KLHL3: variants seen among roughly 807,000 people sequenced by gnomAD.
KLHL3 encodes the protein kelch like family member 3.
In KLHL3, 19 loss-of-function variants were observed where a neutral mutation model predicts 70.5. The ratio of observed to expected loss-of-function variants is 0.27; its 90% CI spans 0.19 to 0.40. The LOEUF (loss-of-function observed/expected upper bound fraction) is 0.40. Among genes scored for constraint, KLHL3 ranks in the 10% least tolerant of loss-of-function variants. The pLI is 1.00. For missense variants in KLHL3, 512 were observed against 771.1 expected, an observed-to-expected ratio of 0.66 and a Z score of 3.98; for synonymous variants, 258 against 290.3, an observed-to-expected ratio of 0.89 and a Z score of 1.13.
chr5:137,635,573 T>C lies in KLHL3; in HGVS notation c.1322-1408A>G, dbSNP rs1273995799. Among the ~76,000 whole-genome samples the C allele has an allele frequency of 4.6e-5, 7 of 152,174 alleles. No homozygotes were observed. The South Asian group carries it at 1.5e-3, about 32-fold the overall frequency. On this transcript the variant is annotated intron_variant, in intron 11 of 14. Coordinates refer to ENST00000309755, the MANE Select transcript of KLHL3 (RefSeq NM_017415.3). ...TGTCATTCAAACTGTATAGCCATGGTAATGAGATGATGAGAGGGAGGAGAG... is the reference window on the plus strand; with the variant it reads ...TGTCATTCAAACTGTATAGCCATGGCAATGAGATGATGAGAGGGAGGAGAG...
At chr5:137,660,433 G>A (rs1182414747) in intron 7 of KLHL3, among the ~76,000 whole-genome samples, 1 of 152,178 alleles carries the variant, frequency 6.6e-6, no homozygotes, top group African/African-American at 2.4e-5. Context: ...AGGACAGTGG[G>A]AGGTTTGACT....
At chr5:137,656,761 T>G (rs1267832705) in intron 8 of KLHL3, among the ~76,000 whole-genome samples, 1 of 152,256 alleles carries the variant, frequency 6.6e-6, no homozygotes, top group African/African-American at 2.4e-5. Flanking sequence ...CAGGCAAGTA[T>G]GCACTCTCAG....
chr5:137,628,732 G>GACAGACATACAT (rs1425466455), intron 12 of KLHL3: 5 of 136,938 alleles, frequency 3.7e-5, no homozygotes, highest in African/African-American at 1.6e-4. Context: ...CAGACAGACA[G>GACAGACATACAT]ACATACATAC....
intron 6 of KLHL3, among the ~76,000 whole-genome samples, chr5:137,676,217 T>G (rs1332932881): frequency 6.6e-6 from 1 of 152,252 alleles, no homozygotes; most frequent in African/African-American, 2.4e-5. Context: ...GTTTTTCTTC[T>G]TGATCAAACT....
intron 7 of KLHL3, among the ~76,000 whole-genome samples, chr5:137,659,105 G>T (rs1163963433): frequency 1.3e-5 from 2 of 152,224 alleles, no homozygotes; most frequent in African/African-American, 4.8e-5. Context: ...TCTGGAATGG[G>T]TAATGTGGTC....
intron 6 of KLHL3, among the ~76,000 whole-genome samples, chr5:137,663,575 T>C (rs1751540091): frequency 6.6e-6 from 1 of 151,964 alleles, no homozygotes. Context: ...TTATAATACC[T>C]AATATAATAC....
chr5:137,711,914 G>A (rs1179983738), intron 2 of KLHL3, among the ~76,000 whole-genome samples: 1 of 151,790 alleles, frequency 6.6e-6, no homozygotes, highest in East Asian at 1.9e-4. Flanking sequence ...CACACTTTGG[G>A]AGGCTGAGGA....
intron 14 of KLHL3, among the ~76,000 whole-genome samples, chr5:137,624,090 G>A (rs1178531837): frequency 6.6e-6 from 1 of 152,088 alleles, no homozygotes; most frequent in Non-Finnish European, 1.5e-5. Flanking sequence ...TAGATTATTA[G>A]CTATTTCCCT....
chr5:137,677,943 T>A (rs1407612293), intron 5 of KLHL3, among the ~76,000 whole-genome samples: 1 of 152,186 alleles, frequency 6.6e-6, no homozygotes, highest in African/African-American at 2.4e-5. Flanking sequence ...ATGAGATTAA[T>A]AATAGCACTG....
chr5:137,670,974 A>AC, intron 6 of KLHL3, among the ~76,000 whole-genome samples: 1 of 149,526 alleles, frequency 6.7e-6, no homozygotes, highest in African/African-American at 2.4e-5. Flanking sequence ...TCCACCTCAA[A>AC]AAAAAAAAAA....
chr5:137,673,563 T>G (rs1751814555), intron 6 of KLHL3: 2 of 152,172 alleles, frequency 1.3e-5, no homozygotes, highest in African/African-American at 2.4e-5. Context: ...TGGCAAGGAT[T>G]CATGCCCTCC....
chr5:137,639,022 G>A lies in KLHL3; in HGVS notation c.1150C>T (p.Arg384Trp), dbSNP rs951676369. 7.4e-6 allele frequency: 12 copies of A among 1,614,012 alleles called. No homozygotes were observed. Among genetic ancestry groups the A allele is most frequent in the Admixed American group, 6.7e-5 (4 of 60,000 alleles). The change falls in exon 10 of 15, where the codon CGG becomes TGG. Residue 384 changes from arginine to tryptophan, a missense_variant. Arg to Trp is a moderately radical substitution (Grantham distance 101, BLOSUM62 -3). Coordinates refer to ENST00000309755, the MANE Select transcript of KLHL3 (RefSeq NM_017415.3). The surrounding 1 kb of genome is among the most constrained non-coding windows in gnomAD (Gnocchi z 5.0). ...WTSIASMQER[R>W]STLGAAVLND... ...AGCACCGCTGCGCCCAGTGTGCTCC[G>A]GCGCTCCTGCATGCTGGCAATGGAC... is the stretch of plus-strand genomic sequence containing the variant.
At chr5:137,680,693 C>T (rs1388866068) in intron 5 of KLHL3, among the ~76,000 whole-genome samples, 1 of 152,068 alleles carries the variant, frequency 6.6e-6, no homozygotes, top group Non-Finnish European at 1.5e-5. Context: ...CAGGCGTCCA[C>T]TACCACGCCC....
intron 6 of KLHL3, among the ~76,000 whole-genome samples, chr5:137,665,929 G>GT (rs1398557656): frequency 6.6e-6 from 1 of 152,140 alleles, no homozygotes; most frequent in African/African-American, 2.4e-5. Flanking sequence ...TGTATGTATA[G>GT]TTTGCTCCTA....
At chr5:137,711,492 G>A (rs2149930301) in intron 2 of KLHL3, among the ~76,000 whole-genome samples, 1 of 152,306 alleles carries the variant, frequency 6.6e-6, no homozygotes, top group African/African-American at 2.4e-5. Flanking sequence ...AGGGAGAAGT[G>A]GACAGGAAGT....
intron 7 of KLHL3, chr5:137,661,334 A>G (rs548315459): frequency 3.3e-5 from 5 of 152,372 alleles, no homozygotes; most frequent in African/African-American, 1.2e-4. Flanking sequence ...AAACGAGAAA[A>G]CATATGGCAC....
At position 137,658,136 on chromosome 5, in the gene KLHL3, G is replaced by A; in HGVS notation, c.898C>T (p.Pro300Ser). The A allele has an allele frequency of 6.2e-7, 1 of 1,612,346 alleles. No homozygotes were observed. Among genetic ancestry groups the A allele is most frequent in the South Asian group, 1.1e-5 (1 of 90,846 alleles). ...RTKPRTPVSL[P>S]KVMIVVGGQA... is the part of the protein sequence containing the mutation. Reference sequence around the variant, plus strand: ...GTGATTGGGCTGGGGCTTACCTTGGGAAGGCTGACTGGAGTCCTGGGCTTG... The same window carrying A: ...GTGATTGGGCTGGGGCTTACCTTGGAAAGGCTGACTGGAGTCCTGGGCTTG... The change falls in exon 8 of 15, where the codon CCC becomes TCC. Residue 300 changes from proline (P) to serine (S), a missense_variant. Coordinates refer to ENST00000309755, the MANE Select transcript of KLHL3 (RefSeq NM_017415.3).
intron 6 of KLHL3, among the ~76,000 whole-genome samples, chr5:137,674,565 T>C (rs1010428489): frequency 2.6e-5 from 4 of 152,252 alleles, no homozygotes; most frequent in African/African-American, 9.6e-5. Context: ...CTTCATTTTA[T>C]AATATATGTT....
chr5:137,640,092 T>C (rs2149885565), intron 8 of KLHL3, 115 bp from the exon 9 acceptor site: 1 of 827,754 alleles, frequency 1.2e-6, no homozygotes, highest in South Asian at 1.5e-5. Flanking sequence ...GAGATGCCAG[T>C]TTACAGAGCT....
Sources: allele counts gnomAD v4.1 joint callset (sites outside exome capture counted in the v4.1 genomes callset), GRCh38; gene constraint gnomAD v4.1.1; non-coding constraint Gnocchi (gnomAD v3.1); transcripts MANE v1.5; gene names NCBI Gene and HGNC (gene_info 2026-07-23, HGNC 2026-07-21).